ARHGAP35: variants seen among roughly 807,000 people sequenced by gnomAD.
ARHGAP35 encodes Rho GTPase activating protein 35.
A neutral mutation model predicts 111.1 loss-of-function variants in ARHGAP35; 15 were observed. The observed-to-expected ratio is 0.13, with a 90% CI of 0.09 to 0.21. The LOEUF is 0.21. ARHGAP35 is among the 10% of genes least tolerant of loss of function. ARHGAP35 has a pLI of 1.00. For missense variants in ARHGAP35, 1,262 were observed against 1,873.0 expected (o/e 0.67, Z 6.02); for synonymous variants, 643 against 710.3 (o/e 0.91, Z 1.51).
At chr19:46,889,531 C>T (rs1488202852) in intron 1 of ARHGAP35, among the ~76,000 whole-genome samples, 3 of 152,084 alleles carry the variant, frequency 2.0e-5, no homozygotes, top group African/African-American at 7.2e-5. Context: ...ATAAAATGTG[C>T]ACCGCCTTAG....
intron 3 of ARHGAP35, among the ~76,000 whole-genome samples, chr19:46,959,863 A>AGGGGCTAGAGGATCGCTT (rs1412605794): frequency 6.6e-6 from 1 of 151,772 alleles, no homozygotes; most frequent in Non-Finnish European, 1.5e-5. Context: ...TGGGAGGCAG[A>AGGGGCTAGAGGATCGCTT]GGGGCTAGAG....
rs1392085421 is a variant in ARHGAP35, at chr19:46,997,536, T to C, written c.4037-1768T>C. The C allele has an allele frequency of 2.6e-5, 4 of 152,172 alleles. No individual in the cohort carries two copies. The South Asian group carries it at 8.3e-4, about 32-fold the overall frequency. The allele number at this position is 152,172 out of a possible 1,614,324, so 9.4% of individuals were successfully genotyped here. A position where few individuals can be genotyped will look rare whatever the true frequency, so the allele number is the denominator to read the frequency against. Reference sequence around the variant, plus strand: ...AGGAGGCACTGTCCACAGCCCCTTTTACAGACAAGGAGACTCACCCTAAGG... The same window carrying C: ...AGGAGGCACTGTCCACAGCCCCTTTCACAGACAAGGAGACTCACCCTAAGG... On this transcript the variant is annotated intron_variant, in intron 5 of 6. Coordinates refer to ENST00000672722, the MANE Select transcript of ARHGAP35 (RefSeq NM_004491.5).
At chr19:46,900,144 G>T (rs2056077182) in intron 1 of ARHGAP35, among the ~76,000 whole-genome samples, 1 of 151,256 alleles carries the variant, frequency 6.6e-6, no homozygotes, top group African/African-American at 2.4e-5. Context: ...TCATGGTATT[G>T]TTAGGATCTT....
In ARHGAP35 at chr19:46,973,486, G is replaced by A. The variant is rs1158270061; in HGVS notation, c.3827-14503G>A. Among the ~76,000 whole-genome samples, 7 of 151,690 alleles carry A rather than the reference G, an allele frequency of 4.6e-5. No homozygotes were observed. The South Asian group carries it at 8.3e-4, about 18-fold the overall frequency. ...CGGGTGGATCCGAGATCAGGAGATCGAGACTATCCTGGCTAACACAGTGAA... is the reference window on the plus strand; with the variant it reads ...CGGGTGGATCCGAGATCAGGAGATCAAGACTATCCTGGCTAACACAGTGAA... On this transcript the variant is annotated intron_variant, in intron 3 of 6. Coordinates refer to ENST00000672722, the MANE Select transcript of ARHGAP35 (RefSeq NM_004491.5).
chr19:46,936,271 A>G (rs2056306669), intron 2 of ARHGAP35, among the ~76,000 whole-genome samples: 1 of 152,088 alleles, frequency 6.6e-6, no homozygotes, highest in African/African-American at 2.4e-5. Context: ...TAATATTTGG[A>G]ACTTAGTCTG....
intron 3 of ARHGAP35, among the ~76,000 whole-genome samples, chr19:46,979,057 TGTGTGTGTGGTGGG>T (rs945482882): frequency 6.1e-5 from 7 of 113,992 alleles, no homozygotes; most frequent in South Asian, 3.1e-4. Flanking sequence ...TGGTGGGATG[TGTGTGTGTGGTGGG>T]GTGTGTGTGG....
At chr19:46,865,011 C>G (rs112532364) in intron 1 of ARHGAP35, among the ~76,000 whole-genome samples, 1 of 152,186 alleles carries the variant, frequency 6.6e-6, no homozygotes, top group Non-Finnish European at 1.5e-5. Context: ...GGAGAGAGGA[C>G]ACACAGAATA....
chr19:46,873,032 C>T (rs910696161), intron 1 of ARHGAP35, among the ~76,000 whole-genome samples: 26 of 152,026 alleles, frequency 1.7e-4, no homozygotes, highest in African/African-American at 1.7e-4. Flanking sequence ...GGTGGGAAAC[C>T]GAGGTTGCAG....
In ARHGAP35 at chr19:46,922,104, A is replaced by G; in HGVS notation, c.3429A>G (p.Leu1143=). Reference sequence around the variant, plus strand: ...ACAGTGAAATGGACACCAGCTCTCTAGAGCGAGGGCGCAAGGTTTCCATCG... The same window carrying G: ...ACAGTGAAATGGACACCAGCTCTCTGGAGCGAGGGCGCAAGGTTTCCATCG... ...GSDSEMDTSS[L]ERGRKVSIVS... Residue 1143 remains leucine, a synonymous_variant, in exon 2 of 7, where the codon CTA becomes CTG. Coordinates refer to ENST00000672722, the MANE Select transcript of ARHGAP35 (RefSeq NM_004491.5). This position sits in a 1 kb window ranked among gnomAD's most constrained non-coding sequence, Gnocchi z 4.0. 1 of 1,614,050 alleles carries G rather than the reference A, an allele frequency of 6.2e-7. No individual in the cohort carries two copies. The highest frequency in any genetic ancestry group is 8.5e-7 in the Non-Finnish European group (1 of 1,179,892).
At chr19:46,939,815 A>G (rs1048431590) in intron 3 of ARHGAP35, among the ~76,000 whole-genome samples, 1 of 152,180 alleles carries the variant, frequency 6.6e-6, no homozygotes, top group East Asian at 1.9e-4. Flanking sequence ...TTGATCTAGT[A>G]CTAATCTGTC....
chr19:46,979,109 T>G (rs1373704531), intron 3 of ARHGAP35, among the ~76,000 whole-genome samples: 2 of 150,124 alleles, frequency 1.3e-5, no homozygotes, highest in South Asian at 2.1e-4. Context: ...TGTAGGGGGG[T>G]GTGTATGTGG....
intron 3 of ARHGAP35, among the ~76,000 whole-genome samples, chr19:46,963,665 A>G (rs2056497316): frequency 6.6e-6 from 1 of 152,052 alleles, no homozygotes; most frequent in Non-Finnish European, 1.5e-5. Context: ...AGTGTGATCT[A>G]ACTTTTCACC....
At position 46,918,732 on chromosome 19, in the gene ARHGAP35, G is replaced by A. The variant is rs780396740; in HGVS notation, c.57G>A (p.Val19=). The A allele has an allele frequency of 1.2e-6, 2 of 1,614,002 alleles. No individual in the cohort carries two copies. The highest frequency in any genetic ancestry group is 1.1e-5 in the South Asian group (1 of 91,080). ...VRIPTYNISV[V]GLSGTEKEKG... The stretch of plus-strand genomic sequence containing the variant: ...TTCCCACCTACAACATCAGTGTGGT[G>A]GGATTATCTGGGACCGAGAAGGAAA... The change falls in exon 2 of 7, where the codon GTG becomes GTA. Residue 19 remains valine, a synonymous_variant. Coordinates refer to ENST00000672722, the MANE Select transcript of ARHGAP35 (RefSeq NM_004491.5). The surrounding 1 kb of genome is among the most constrained non-coding windows in gnomAD (Gnocchi z 5.4).
chr19:46,958,569 A>T (rs1232144555), intron 3 of ARHGAP35, among the ~76,000 whole-genome samples: 1 of 152,164 alleles, frequency 6.6e-6, no homozygotes, highest in Admixed American at 6.5e-5. Flanking sequence ...TTTTCCTCAG[A>T]CATCTGGAAC....
At chr19:46,985,634 A>G (rs7253105) in intron 3 of ARHGAP35, among the ~76,000 whole-genome samples, 95,627 of 152,104 alleles carry the variant, frequency 0.63, 30,708 homozygotes, top group Middle Eastern at 0.8. Flanking sequence ...ATAAACAAGC[A>G]AATGGTGGAT....
intron 1 of ARHGAP35, among the ~76,000 whole-genome samples, chr19:46,888,383 G>A (rs1341931879): frequency 2.3e-5 from 3 of 127,810 alleles, no homozygotes; most frequent in African/African-American, 8.9e-5. Flanking sequence ...CAAGAAGTAA[G>A]GCTCCTGCTC....
intron 3 of ARHGAP35, among the ~76,000 whole-genome samples, chr19:46,957,921 A>C (rs2056450243): frequency 6.6e-6 from 1 of 152,194 alleles, no homozygotes; most frequent in Non-Finnish European, 1.5e-5. Flanking sequence ...TCTTATGTTC[A>C]AAATACTGTG....
chr19:46,878,169 C>T (rs2055937011), intron 1 of ARHGAP35, among the ~76,000 whole-genome samples: 1 of 151,978 alleles, frequency 6.6e-6, no homozygotes, highest in Non-Finnish European at 1.5e-5. Context: ...TACAGATGCG[C>T]ACCACCACAC....
At chr19:46,872,829 C>T (rs557193389) in intron 1 of ARHGAP35, among the ~76,000 whole-genome samples, 10 of 148,350 alleles carry the variant, frequency 6.7e-5, no homozygotes, top group African/African-American at 2.2e-4. Context: ...TGCAGTGAGC[C>T]GAGATTGTGC....
Sources: gnomAD v4.1 joint callset for allele counts (sites outside exome capture counted in the v4.1 genomes callset) on GRCh38, gnomAD v4.1.1 for gene constraint, Gnocchi (gnomAD v3.1) non-coding constraint, MANE v1.5 for transcripts, NCBI Gene and HGNC (gene_info 2026-07-23, HGNC 2026-07-21) for gene names.